PPFIBP1: variants seen among roughly 807,000 people sequenced by gnomAD.
PPFIBP1 encodes PPFIB scaffold protein 1.
In PPFIBP1, 112 loss-of-function variants were observed where a neutral mutation model predicts 137.8. That is an observed-to-expected ratio of 0.81 (90% CI 0.70 to 0.95). The LOEUF is 0.95. Ranked by LOEUF, PPFIBP1 falls within the 40% of genes least tolerant of loss-of-function variation. PPFIBP1 has a pLI of 0.00. For synonymous variants in PPFIBP1, 378 were observed against 417.3 expected (o/e 0.91, Z 1.15); for missense variants, 1,083 against 1,196.6 (o/e 0.91, Z 1.40).
intron 7 of PPFIBP1, among the ~76,000 whole-genome samples, chr12:27,653,471 C>T (rs2059003098): frequency 6.6e-6 from 1 of 151,806 alleles, no homozygotes; most frequent in Non-Finnish European, 1.5e-5. Flanking sequence ...CCTGTAATCC[C>T]ATCTACTGGG....
At chr12:27,567,762 A>G (rs1030996624) in intron 1 of PPFIBP1, among the ~76,000 whole-genome samples, 2 of 152,246 alleles carry the variant, frequency 1.3e-5, no homozygotes, top group African/African-American at 4.8e-5. Flanking sequence ...TACTTAAGGT[A>G]TTTTAAAGTC....
chr12:27,573,498 A>T (rs1053914194), intron 1 of PPFIBP1, among the ~76,000 whole-genome samples: 1 of 152,214 alleles, frequency 6.6e-6, no homozygotes, highest in Non-Finnish European at 1.5e-5. Context: ...ATGGCCTCAG[A>T]AACAGGAGTA....
Position 27,664,466 on chromosome 12 carries a change from G to T in PPFIBP1, c.991+20G>T, listed in dbSNP as rs376117820. 1.5e-4 allele frequency: 235 copies of T among 1,546,120 alleles called. 1 individual carries two copies. Among genetic ancestry groups the T allele is most frequent in the South Asian group, 6.5e-4 (57 of 87,996 alleles). On this transcript the variant is annotated intron_variant, in intron 12 of 29. Coordinates refer to ENST00000228425, the MANE Select transcript of PPFIBP1 (RefSeq NM_003622.4). ...AAAAAGGTAGAGTGTAGCTCTAAAA[G>T]TTTTTCTACTTTGGTTGACTCTAAG...
chr12:27,537,174 T>C (rs972574382), intron 1 of PPFIBP1, among the ~76,000 whole-genome samples: 10 of 152,010 alleles, frequency 6.6e-5, no homozygotes, highest in Non-Finnish European at 1.3e-4. Context: ...CACGGTCACC[T>C]AGGCTGGAGT....
intron 5 of PPFIBP1, among the ~76,000 whole-genome samples, chr12:27,647,159 A>G (rs1349647041): frequency 6.6e-6 from 1 of 152,014 alleles, no homozygotes; most frequent in Non-Finnish European, 1.5e-5. Flanking sequence ...ATGCCCCCAC[A>G]GCCAGCTAAT....
At chr12:27,525,147 C>A (rs1943582087) in intron 1 of PPFIBP1, among the ~76,000 whole-genome samples, 1 of 151,876 alleles carries the variant, frequency 6.6e-6, no homozygotes, top group South Asian at 2.1e-4. Context: ...CGGTGGAAGG[C>A]GTGGCATATA....
intron 1 of PPFIBP1, among the ~76,000 whole-genome samples, chr12:27,570,570 G>A (rs77183020): frequency 0.016 from 2,494 of 152,192 alleles, 67 homozygotes; most frequent in African/African-American, 0.057. Context: ...CTGCCACACA[G>A]TAACAACCAC....
rs1226323370 is a variant in PPFIBP1 at position 27,671,555 on chromosome 12, T to C, written c.1262+9T>C. On this transcript the variant is annotated intron_variant, in intron 14 of 29. Transcript: ENST00000228425. ...ACTTCATTTGAAGAAAAGTATGTCATTTATTAACAGTGCAATATAAATGTT... is the reference window on the plus strand; with the variant it reads ...ACTTCATTTGAAGAAAAGTATGTCACTTATTAACAGTGCAATATAAATGTT... 5 of 1,497,750 alleles carry C rather than the reference T, an allele frequency of 3.3e-6. No individual in the cohort carries two copies. The highest frequency in any genetic ancestry group is 4.6e-6 in the Non-Finnish European group (5 of 1,092,522). The allele number at this position is 1,497,750 out of a possible 1,614,324, so 92.8% of individuals were successfully genotyped here.
At chr12:27,640,254 C>T (rs541233794) in intron 4 of PPFIBP1, among the ~76,000 whole-genome samples, 1 of 152,236 alleles carries the variant, frequency 6.6e-6, no homozygotes, top group African/African-American at 2.4e-5. Context: ...AAAGAGGTTT[C>T]CCTGTTCCTT....
chr12:27,628,772 C>T (rs971344826), intron 2 of PPFIBP1, among the ~76,000 whole-genome samples: 4 of 152,136 alleles, frequency 2.6e-5, no homozygotes, highest in African/African-American at 9.6e-5. Context: ...CTTCTCTTTC[C>T]TAATTTTTCA....
intron 2 of PPFIBP1, among the ~76,000 whole-genome samples, chr12:27,631,226 A>G (rs562696913): frequency 6.6e-6 from 1 of 152,238 alleles, no homozygotes. Context: ...ATGATTGTTC[A>G]TATCCTCATG....
At chr12:27,685,707 T>C (rs781657932) in intron 24 of PPFIBP1, among the ~76,000 whole-genome samples, 20 of 152,198 alleles carry the variant, frequency 1.3e-4, no homozygotes, top group Non-Finnish European at 2.5e-4. Flanking sequence ...GACAAACTGG[T>C]GAAATGTGAA....
chr12:27,692,738 A>C (rs887797384), intron 29 of PPFIBP1, 58 bp from the exon 30 acceptor site: 1 of 1,613,790 alleles, frequency 6.2e-7, no homozygotes, highest in Non-Finnish European at 8.5e-7. Context: ...TCTCTTGGAG[A>C]ATGTGTAGCT....
At chr12:27,537,129 TTCTC>T (rs1161710639) in intron 1 of PPFIBP1, among the ~76,000 whole-genome samples, 1 of 152,044 alleles carries the variant, frequency 6.6e-6, no homozygotes, top group Non-Finnish European at 1.5e-5. Flanking sequence ...AGGTAGTCCC[TTCTC>T]TCTCTCTTTT....
rs940522979 is a variant in PPFIBP1 at position 27,633,429 on chromosome 12, A to G, written c.33A>G (p.Ala11=). 3.1e-6 allele frequency: 5 copies of G among 1,613,328 alleles called. No individual in the cohort carries two copies. Among genetic ancestry groups the G allele is most frequent in the African/African-American group, 1.3e-5 (1 of 74,916 alleles). ...GTGATGCAAGTGACATGTTGGCTGC[A>G]GCGTTGGAGCAGATGGATGGTATCA... MMSDASDMLA[A]ALEQMDGIIA... Residue 11 remains alanine, a synonymous_variant, in exon 3 of 30, where the codon GCA becomes GCG. Transcript: ENST00000228425.
chr12:27,573,682 TA>T (rs2050319165), intron 1 of PPFIBP1, among the ~76,000 whole-genome samples: 1 of 152,132 alleles, frequency 6.6e-6, no homozygotes, highest in African/African-American at 2.4e-5. Flanking sequence ...CTAGCGTGAT[TA>T]AAAAGAAGGT....
chr12:27,580,392 C>G (rs1435924411), intron 2 of PPFIBP1, among the ~76,000 whole-genome samples: 1 of 152,188 alleles, frequency 6.6e-6, no homozygotes, highest in East Asian at 1.9e-4. Flanking sequence ...CACAATTCCA[C>G]CACTTTGTCT....
intron 2 of PPFIBP1, among the ~76,000 whole-genome samples, chr12:27,593,027 G>A (rs893936673): frequency 1.3e-5 from 2 of 150,458 alleles, no homozygotes; most frequent in African/African-American, 4.9e-5. Context: ...AGCTACTCAG[G>A]AGGTTGAGGC....
At chr12:27,529,124 G>A (rs934740993) in intron 1 of PPFIBP1, among the ~76,000 whole-genome samples, 8 of 152,148 alleles carry the variant, frequency 5.3e-5, no homozygotes, top group Non-Finnish European at 1.2e-4. Flanking sequence ...CTGGCCAAGG[G>A]TCATGTCTTA....
Sources: gnomAD v4.1 joint callset for allele counts (sites outside exome capture counted in the v4.1 genomes callset) on GRCh38, gnomAD v4.1.1 for gene constraint, MANE v1.5 for transcripts, NCBI Gene and HGNC (gene_info 2026-07-23, HGNC 2026-07-21) for gene names.